The following GYPC variants were observed in gnomAD, a reference collection of about 807,000 sequenced individuals.
The protein encoded by GYPC is glycophorin C (Gerbich blood group).
Under a neutral mutation model 12.6 loss-of-function variants are expected in GYPC, and 14 were observed. The observed-to-expected ratio is 1.11, with a 90% CI of 0.74 to 1.74. GYPC has a LOEUF of 1.74. Among genes scored for constraint, GYPC ranks in the 40% most tolerant of loss-of-function variants. GYPC has a pLI of 0.00. For synonymous variants in GYPC, 78 were observed against 62.1 expected, an observed-to-expected ratio of 1.26 and a Z score of -1.20; for missense variants, 225 against 172.1, an observed-to-expected ratio of 1.31 and a Z score of -1.72.
chr2:126,675,646 T>C (rs1682976662), intron 1 of GYPC: 2 of 981,442 alleles, frequency 2.0e-6, no homozygotes, highest in African/African-American at 3.5e-5. Flanking sequence ...TCCCCTTCTC[T>C]ATGACCTCTT....
intron 1 of GYPC, among the ~76,000 whole-genome samples, chr2:126,663,238 T>G (rs576129062): frequency 6.6e-6 from 1 of 152,116 alleles, no homozygotes; most frequent in African/African-American, 2.4e-5. Context: ...TGGTTTCACC[T>G]TGTTGGCCAG....
At position 126,696,085 on chromosome 2, in the gene GYPC, G is replaced by A. The variant is rs1424775600; in HGVS notation, c.330G>A (p.Gln110=). The A allele has an allele frequency of 6.2e-7, 1 of 1,614,178 alleles. No individual in the cohort carries two copies. The change falls in exon 4 of 4, where the codon CAG becomes CAA. Residue 110 remains glutamine, a synonymous_variant. Coordinates refer to ENST00000259254, the MANE Select transcript of GYPC (RefSeq NM_002101.5). ...EFAESADAAL[Q]GDPALQDAGD... Reference sequence around the variant, plus strand: ...CTGAGAGTGCAGATGCAGCCCTGCAGGGAGACCCTGCCCTCCAAGATGCTG... The same window carrying A: ...CTGAGAGTGCAGATGCAGCCCTGCAAGGAGACCCTGCCCTCCAAGATGCTG...
chr2:126,686,419 T>C (rs1386417466), intron 1 of GYPC: 9 of 985,314 alleles, frequency 9.1e-6, no homozygotes, highest in African/African-American at 1.7e-5. Context: ...CCTGAGGACA[T>C]AGAGAGTTAG....
At chr2:126,682,051 G>C (rs1444827345) in intron 1 of GYPC, among the ~76,000 whole-genome samples, 1 of 152,216 alleles carries the variant, frequency 6.6e-6, no homozygotes, top group African/African-American at 2.4e-5. Flanking sequence ...ACTGGAAATA[G>C]GTGTGTCCAG....
chr2:126,676,271 T>C (rs1391599881), intron 1 of GYPC, among the ~76,000 whole-genome samples: 1 of 152,246 alleles, frequency 6.6e-6, no homozygotes, highest in Non-Finnish European at 1.5e-5. Flanking sequence ...TAAAATTAAG[T>C]GTTAGCTTTC....
At chr2:126,677,501 A>G (rs370504462) in intron 1 of GYPC, among the ~76,000 whole-genome samples, 3 of 83,922 alleles carry the variant, frequency 3.6e-5, no homozygotes, top group African/African-American at 6.9e-5. Flanking sequence ...GAGTGTGTGT[A>G]TGAGAGTGTG....
At chr2:126,690,737 A>T (rs1435990932) in intron 2 of GYPC, among the ~76,000 whole-genome samples, 5 of 152,148 alleles carry the variant, frequency 3.3e-5, no homozygotes, top group Non-Finnish European at 2.9e-5. Context: ...CCCTGGGTCC[A>T]TGACCCCCAA....
intron 2 of GYPC, among the ~76,000 whole-genome samples, 193 bp from the exon 3 acceptor site, chr2:126,693,671 G>T (rs1683542146): frequency 6.6e-6 from 1 of 152,176 alleles, no homozygotes; most frequent in East Asian, 1.9e-4. Flanking sequence ...ATCCCAGTCA[G>T]TGACCAAGCA....
At chr2:126,672,309 C>T (rs1454940628) in intron 1 of GYPC, among the ~76,000 whole-genome samples, 2 of 152,122 alleles carry the variant, frequency 1.3e-5, no homozygotes, top group African/African-American at 2.4e-5. Context: ...CTGTGACATG[C>T]GGTGGGAGCT....
intron 1 of GYPC, among the ~76,000 whole-genome samples, chr2:126,679,297 TCTCCAGGA>T (rs1396737133): frequency 1.3e-5 from 2 of 151,276 alleles, no homozygotes; most frequent in Non-Finnish European, 3.0e-5. Flanking sequence ...CACCTCTGTG[TCTCCAGGA>T]CTCTACAAAG....
At chr2:126,656,618 C>A (rs373544112) in intron 1 of GYPC, among the ~76,000 whole-genome samples, 14 of 152,362 alleles carry the variant, frequency 9.2e-5, no homozygotes, top group African/African-American at 3.4e-4. Flanking sequence ...TTGTGCGGGG[C>A]ATGTGAAATG....
At chr2:126,691,380 A>G (rs1683459283) in intron 2 of GYPC, among the ~76,000 whole-genome samples, 2 of 152,024 alleles carry the variant, frequency 1.3e-5, no homozygotes, top group Non-Finnish European at 1.5e-5. Flanking sequence ...AGCAGAAGTG[A>G]GGGGTGACTG....
chr2:126,684,008 C>T (rs925244308), intron 1 of GYPC, among the ~76,000 whole-genome samples: 1 of 152,110 alleles, frequency 6.6e-6, no homozygotes, highest in South Asian at 2.1e-4. Flanking sequence ...ATTCTGTCAT[C>T]GATGTGGTGT....
chr2:126,689,543 C>G (rs1683393567), intron 1 of GYPC, among the ~76,000 whole-genome samples: 1 of 150,590 alleles, frequency 6.6e-6, no homozygotes, highest in African/African-American at 2.5e-5. Flanking sequence ...GGGCAGATCC[C>G]TCATGCATAC....
chr2:126,674,317 C>T (rs779304057), intron 1 of GYPC, among the ~76,000 whole-genome samples: 36 of 152,296 alleles, frequency 2.4e-4, no homozygotes, highest in Non-Finnish European at 4.3e-4. Context: ...CAGCTTCTCC[C>T]TCAGACCCAT....
At chr2:126,689,095 G>GA (rs2104803820) in intron 1 of GYPC, among the ~76,000 whole-genome samples, 1 of 152,264 alleles carries the variant, frequency 6.6e-6, no homozygotes, top group Non-Finnish European at 1.5e-5. Flanking sequence ...ATTAAGCTGT[G>GA]AAAAAACACA....
intron 2 of GYPC, among the ~76,000 whole-genome samples, chr2:126,692,192 G>C (rs1401590920): frequency 1.3e-5 from 2 of 152,056 alleles, no homozygotes; most frequent in African/African-American, 4.8e-5. Context: ...TACCCTGCCT[G>C]GTTCCTGGCT....
At chr2:126,677,345 A>ATG (rs201298328) in intron 1 of GYPC, among the ~76,000 whole-genome samples, 5 of 146,878 alleles carry the variant, frequency 3.4e-5, no homozygotes, top group African/African-American at 5.0e-5. Flanking sequence ...GTAAGAAAGA[A>ATG]TGTGTGTGTG....
intron 1 of GYPC, among the ~76,000 whole-genome samples, chr2:126,683,816 A>C (rs1683214016): frequency 6.6e-6 from 1 of 152,224 alleles, no homozygotes; most frequent in African/African-American, 2.4e-5. Flanking sequence ...CAAGATGTAC[A>C]TAAGGAAGAG....
Sources: allele counts gnomAD v4.1 joint callset (sites outside exome capture counted in the v4.1 genomes callset), GRCh38; gene constraint gnomAD v4.1.1; transcripts MANE v1.5; gene names NCBI Gene and HGNC (gene_info 2026-07-23, HGNC 2026-07-21).